Variants in UQCRQ observed in about 807,000 individuals in gnomAD.
UQCRQ encodes the protein ubiquinol-cytochrome c reductase complex III subunit VII, also known as cytochrome b-c1 complex subunit 8.
In UQCRQ, 9 loss-of-function variants were observed where a neutral mutation model predicts 7.9. That is an observed-to-expected ratio of 1.13 (90% CI 0.68 to 1.98). UQCRQ has a LOEUF of 1.98. Ranked by LOEUF, UQCRQ falls within the 30% of genes most tolerant of loss-of-function variation. UQCRQ has a pLI of 0.00. For synonymous variants in UQCRQ, 50 were observed against 41.9 expected (o/e 1.19, Z -0.75); for missense variants, 112 against 109.7 (o/e 1.02, Z -0.10).
Position 132,866,909 on chromosome 5 carries a change from C to T in UQCRQ, c.28C>T (p.Arg10Trp), listed in dbSNP as rs1352555043. The change falls in exon 2 of 3, where the codon CGG becomes TGG. Residue 10 changes from arginine (R) to tryptophan (W), a missense_variant. Coordinates refer to ENST00000378670, the MANE Select transcript of UQCRQ (RefSeq NM_014402.5). ...GGGCCGCGAGTTTGGGAATCTGACG[C>T]GGATGCGGCATGTGATCAGCTACAG... MGREFGNLT[R>W]MRHVISYSLS... 1 of 1,614,036 alleles carries T rather than the reference C, an allele frequency of 6.2e-7. No individual in the cohort carries two copies. Among genetic ancestry groups the T allele is most frequent in the South Asian group, 1.1e-5 (1 of 91,092 alleles).
rs369119794 is a variant in UQCRQ, at chr5:132,866,685, C to A, written c.-16C>A. 1.5e-6 allele frequency: 1 copy of A among 654,990 alleles called. No individual in the cohort carries two copies. Among genetic ancestry groups the A allele is most frequent in the East Asian group, 2.7e-5 (1 of 36,394 alleles). The allele number at this position is 654,990 out of a possible 1,614,324, so 40.6% of individuals were successfully genotyped here. ...GGTGACTGTGGAGGGCGAGCTGAGCCCTGTGCGTGAGTGGGGTCTGGTTGT... is the reference window on the plus strand; with the variant it reads ...GGTGACTGTGGAGGGCGAGCTGAGCACTGTGCGTGAGTGGGGTCTGGTTGT... On this transcript the variant is annotated splice_region_variant and 5_prime_UTR_variant, in exon 1 of 3. Transcript: ENST00000378670.
intron 2 of UQCRQ, chr5:132,867,270 C>A: frequency 1.4e-6 from 1 of 702,216 alleles, no homozygotes; most frequent in Non-Finnish European, 2.4e-6. Context: ...TCGGGTGATT[C>A]CAGCATGTTC....
rs372148780 is a variant in UQCRQ, at chr5:132,866,890, C to G, written c.9C>G (p.Arg3=). 6 of 1,613,714 alleles carry G rather than the reference C, an allele frequency of 3.7e-6. No individual in the cohort carries two copies. The African/African-American group carries it at 6.7e-5, about 18-fold the overall frequency. The change falls in exon 2 of 3, where the codon CGC becomes CGG. Residue 3 remains arginine (R), a synonymous_variant. Coordinates refer to ENST00000378670, the MANE Select transcript of UQCRQ (RefSeq NM_014402.5). ...GCAGGGCCGCCGCCACAATGGGCCGCGAGTTTGGGAATCTGACGCGGATGC... is the reference window on the plus strand; with the variant it reads ...GCAGGGCCGCCGCCACAATGGGCCGGGAGTTTGGGAATCTGACGCGGATGC... MG[R]EFGNLTRMRH...
rs369666769 is a variant in UQCRQ, at chr5:132,867,514, A to C, written c.181A>C (p.Thr61Pro). Residue 61 changes from threonine (T) to proline (P), a missense_variant, in exon 3 of 3, where the codon ACA becomes CCA. Coordinates refer to ENST00000378670, the MANE Select transcript of UQCRQ (RefSeq NM_014402.5). ...GTTTGTAGTGTTTTATCTTATCTACACATGGGGGACTGAAGAGTTCGAGAG... is the reference window on the plus strand; with the variant it reads ...GTTTGTAGTGTTTTATCTTATCTACCCATGGGGGACTGAAGAGTTCGAGAG... ...PQFVVFYLIY[T>P]WGTEEFERSK... The C allele has an allele frequency of 4.6e-5, 75 of 1,614,014 alleles. No homozygotes were observed. The highest frequency in any genetic ancestry group is 6.1e-5 in the Non-Finnish European group (72 of 1,179,988).
chr5:132,868,745 T>C lies in UQCRQ; in HGVS notation c.*1163T>C, dbSNP rs1759704661. Among the ~76,000 whole-genome samples, 1 of 118,742 alleles carries C rather than the reference T, an allele frequency of 8.4e-6. No individual in the cohort carries two copies. Among genetic ancestry groups the C allele is most frequent in the Non-Finnish European group, 2.0e-5 (1 of 49,290 alleles). 77.9% of individuals were successfully genotyped at this position (118,742 alleles called of 152,430 possible). A position where few individuals can be genotyped will look rare whatever the true frequency, so the allele number is the denominator to read the frequency against. On this transcript the variant is annotated 3_prime_UTR_variant, in exon 3 of 3. Transcript: ENST00000378670. Reference sequence around the variant, plus strand: ...TCTTAGCCTCCACAGCAGTTTTCTGTTTCTGTGCCAGGAGGCCAACAATGT... The same window carrying C: ...TCTTAGCCTCCACAGCAGTTTTCTGCTTCTGTGCCAGGAGGCCAACAATGT...
chr5:132,866,827 C>A, intron 1 of UQCRQ, 42 bp from the exon 2 acceptor site: 1 of 1,604,984 alleles, frequency 6.2e-7, no homozygotes, highest in East Asian at 2.2e-5. Context: ...TGCGGCGCTT[C>A]GCGAAAGCGA....
rs374661391 is a variant in UQCRQ, at chr5:132,867,622, C to A, written c.*40C>A. On this transcript the variant is annotated 3_prime_UTR_variant, in exon 3 of 3. Transcript: ENST00000378670. ...TGACGGTTCCCTGTCTCTGAAAGAC[C>A]TTTCTCTGGAAGAGGAGTCTGCATT... is the stretch of plus-strand genomic sequence containing the variant. 5 of 1,542,564 alleles carry A rather than the reference C, an allele frequency of 3.2e-6. No homozygotes were observed. In the African/African-American group the frequency reaches 6.8e-5, roughly 21 times the overall value.
Position 132,868,450 on chromosome 5 carries a change from A to G in UQCRQ, c.*868A>G, listed in dbSNP as rs933791232. ...GCACTAAAGTGATGCTCTTAAAACTATGCTCTATTGCAGGGGTGTCCAATC... is the reference window on the plus strand; with the variant it reads ...GCACTAAAGTGATGCTCTTAAAACTGTGCTCTATTGCAGGGGTGTCCAATC... On this transcript the variant is annotated 3_prime_UTR_variant, in exon 3 of 3. Coordinates refer to ENST00000378670, the MANE Select transcript of UQCRQ (RefSeq NM_014402.5). 1.3e-5 allele frequency among the ~76,000 whole-genome samples: 2 copies of G among 152,224 alleles called. No homozygotes were observed. The highest frequency in any genetic ancestry group is 2.4e-5 in the African/African-American group (1 of 41,458).
chr5:132,866,928 G>A lies in UQCRQ; in HGVS notation c.47G>A (p.Ser16Asn), dbSNP rs773298989. Residue 16 changes from serine (S) to asparagine (N), a missense_variant, in exon 2 of 3, where the codon AGC becomes AAC. Transcript: ENST00000378670. ...GNLTRMRHVISYSLSPFEQRA... is the reference protein window; with the variant it reads ...GNLTRMRHVINYSLSPFEQRA... ...CTGACGCGGATGCGGCATGTGATCAGCTACAGCTTGTCACCGTTCGAGCAG... is the reference window on the plus strand; with the variant it reads ...CTGACGCGGATGCGGCATGTGATCAACTACAGCTTGTCACCGTTCGAGCAG... 2 of 1,614,094 alleles carry A rather than the reference G, an allele frequency of 1.2e-6. No individual in the cohort carries two copies. Among genetic ancestry groups the A allele is most frequent in the East Asian group, 2.2e-5 (1 of 44,888 alleles).
chr5:132,867,723 G>C lies in UQCRQ; in HGVS notation c.*141G>C. The C allele has an allele frequency of 1.4e-6, 1 of 728,222 alleles. No homozygotes were observed. Among genetic ancestry groups the C allele is most frequent in the Non-Finnish European group, 2.4e-6 (1 of 414,436 alleles). 45.1% of individuals were successfully genotyped at this position (728,222 alleles called of 1,614,324 possible). A position where few individuals can be genotyped will look rare whatever the true frequency, so the allele number is the denominator to read the frequency against. The stretch of plus-strand genomic sequence containing the variant: ...ATTACATTTTTGTGAGTAGAATCCT[G>C]TGTGACCACTAATATTCAAGTTCAT... On this transcript the variant is annotated 3_prime_UTR_variant, in exon 3 of 3. Transcript: ENST00000378670.
chr5:132,868,019 C>T lies in UQCRQ; in HGVS notation c.*437C>T. ...TTTTTGAGATGGAGTCTTGCTCTCTCACCCAGGCTGGAGTGCAGTGGTGTG... is the reference window on the plus strand; with the variant it reads ...TTTTTGAGATGGAGTCTTGCTCTCTTACCCAGGCTGGAGTGCAGTGGTGTG... On this transcript the variant is annotated 3_prime_UTR_variant, in exon 3 of 3. Transcript: ENST00000378670. The T allele has an allele frequency of 4.5e-6, 1 of 222,180 alleles. No homozygotes were observed. Among genetic ancestry groups the T allele is most frequent in the Admixed American group, 5.2e-5 (1 of 19,286 alleles). The allele number at this position is 222,180 out of a possible 1,614,324, so 13.8% of individuals were successfully genotyped here.
At position 132,868,801 on chromosome 5, in the gene UQCRQ, A is replaced by G. The variant is rs1400153727; in HGVS notation, c.*1219A>G. On this transcript the variant is annotated 3_prime_UTR_variant, in exon 3 of 3. Coordinates refer to ENST00000378670, the MANE Select transcript of UQCRQ (RefSeq NM_014402.5). ...ACCATATGTGGTTCATAAAGCCTCAAAGATTTACTCTGGCCCTTTATGAAT... is the reference window on the plus strand; with the variant it reads ...ACCATATGTGGTTCATAAAGCCTCAGAGATTTACTCTGGCCCTTTATGAAT... Among the ~76,000 whole-genome samples the G allele has an allele frequency of 7.2e-5, 11 of 152,158 alleles. No homozygotes were observed. Among genetic ancestry groups the G allele is most frequent in the Admixed American group, 4.6e-4 (7 of 15,284 alleles).
Position 132,867,727 on chromosome 5 carries a change from G to T in UQCRQ, c.*145G>T, listed in dbSNP as rs1759675573. On this transcript the variant is annotated 3_prime_UTR_variant, in exon 3 of 3. Transcript: ENST00000378670. ...CATTTTTGTGAGTAGAATCCTGTGT[G>T]ACCACTAATATTCAAGTTCATGAAG... is the stretch of plus-strand genomic sequence containing the variant. 1 of 721,502 alleles carries T rather than the reference G, an allele frequency of 1.4e-6. No homozygotes were observed. The highest frequency in any genetic ancestry group is 1.8e-5 in the African/African-American group (1 of 57,044). 44.7% of individuals were successfully genotyped at this position (721,502 alleles called of 1,614,324 possible).
rs1221680324 is a variant in UQCRQ at position 132,867,631 on chromosome 5, G to A, written c.*49G>A. The A allele has an allele frequency of 2.0e-6, 3 of 1,473,998 alleles. No homozygotes were observed. In the Admixed American group the frequency reaches 5.1e-5, roughly 25 times the overall value. The allele number at this position is 1,473,998 out of a possible 1,614,324, so 91.3% of individuals were successfully genotyped here. On this transcript the variant is annotated 3_prime_UTR_variant, in exon 3 of 3. Coordinates refer to ENST00000378670, the MANE Select transcript of UQCRQ (RefSeq NM_014402.5). ...CCTGTCTCTGAAAGACCTTTCTCTGGAAGAGGAGTCTGCATTGTAGTGTCT... is the reference window on the plus strand; with the variant it reads ...CCTGTCTCTGAAAGACCTTTCTCTGAAAGAGGAGTCTGCATTGTAGTGTCT...
Position 132,867,941 on chromosome 5 carries a change from G to A in UQCRQ, c.*359G>A. 2 of 334,180 alleles carry A rather than the reference G, an allele frequency of 6.0e-6. No individual in the cohort carries two copies. Among genetic ancestry groups the A allele is most frequent in the Non-Finnish European group, 5.8e-6 (1 of 172,398 alleles). The allele number at this position is 334,180 out of a possible 1,614,324, so 20.7% of individuals were successfully genotyped here. On this transcript the variant is annotated 3_prime_UTR_variant, in exon 3 of 3. Coordinates refer to ENST00000378670, the MANE Select transcript of UQCRQ (RefSeq NM_014402.5). ...CCTCTGCTCCCATAGCAACAATAAA[G>A]TCTACTAACTATATTGTAATTAGTA...
At position 132,868,005 on chromosome 5, in the gene UQCRQ, G is replaced by T. The variant is rs1050730493; in HGVS notation, c.*423G>T. The T allele has an allele frequency of 1.2e-4, 28 of 230,752 alleles. No homozygotes were observed. Among genetic ancestry groups the T allele is most frequent in the African/African-American group, 5.9e-4 (26 of 43,842 alleles). The allele number at this position is 230,752 out of a possible 1,614,324, so 14.3% of individuals were successfully genotyped here. ...CTTTTATTTTTTATTTTTTGAGATGGAGTCTTGCTCTCTCACCCAGGCTGG... is the reference window on the plus strand; with the variant it reads ...CTTTTATTTTTTATTTTTTGAGATGTAGTCTTGCTCTCTCACCCAGGCTGG... On this transcript the variant is annotated 3_prime_UTR_variant, in exon 3 of 3. Transcript: ENST00000378670.
At chr5:132,867,062 G>A (rs779188486) in intron 2 of UQCRQ, 27 bp downstream of exon 2, 2 of 1,612,868 alleles carry the variant, frequency 1.2e-6, no homozygotes, top group African/African-American at 2.7e-5. Flanking sequence ...CGCGGGAGCG[G>A]GAGGCTGGAC....
rs1759673874 is a variant in UQCRQ at position 132,867,671 on chromosome 5, A to G, written c.*89A>G. 1.1e-5 allele frequency: 11 copies of G among 1,041,672 alleles called. No homozygotes were observed. The highest frequency in any genetic ancestry group is 1.6e-5 in the Non-Finnish European group (11 of 676,864). 64.5% of individuals were successfully genotyped at this position (1,041,672 alleles called of 1,614,324 possible). ...TTGTAGTGTCTCAAAGACACAATAA[A>G]CTTCCTATGGTCTGCACTGTTGTGA... is the stretch of plus-strand genomic sequence containing the variant. On this transcript the variant is annotated 3_prime_UTR_variant, in exon 3 of 3. Transcript: ENST00000378670.
At chr5:132,867,403 AAAG>A in intron 2 of UQCRQ, 82 bp from the exon 3 acceptor site, 1 of 1,063,378 alleles carries the variant, frequency 9.4e-7, no homozygotes, top group Non-Finnish European at 1.4e-6. Flanking sequence ...TGTATGCTTT[AAAG>A]AAGACAAGAG....
Sources: gnomAD v4.1 joint callset for allele counts (sites outside exome capture counted in the v4.1 genomes callset) on GRCh38, gnomAD v4.1.1 for gene constraint, MANE v1.5 for transcripts, NCBI Gene and HGNC (gene_info 2026-07-23, HGNC 2026-07-21) for gene names.